MYO1E: variants seen among roughly 807,000 people sequenced by gnomAD.
MYO1E encodes unconventional myosin-Ie.
Under a neutral mutation model 151.1 loss-of-function variants are expected in MYO1E, and 68 were observed. The observed-to-expected ratio is 0.45, with a 90% CI of 0.37 to 0.55. The LOEUF is 0.55. Ranked by LOEUF, MYO1E falls within the 20% of genes least tolerant of loss-of-function variation. The probability of loss-of-function intolerance (pLI) is 0.00; values close to 1 mark genes in which losing one functional copy is unlikely to be tolerated. For synonymous variants in MYO1E, 601 were observed against 501.7 expected (o/e 1.20, Z -2.64); for missense variants, 1,363 against 1,389.3 (o/e 0.98, Z 0.30).
At chr15:59,343,527 C>T (rs1305133260) in intron 1 of MYO1E, among the ~76,000 whole-genome samples, 2 of 151,992 alleles carry the variant, frequency 1.3e-5, no homozygotes, top group Non-Finnish European at 2.9e-5. Context: ...CTATAACCTT[C>T]TTGTACTTAA....
chr15:59,364,625 G>C (rs2080903179), intron 1 of MYO1E, among the ~76,000 whole-genome samples: 2 of 152,158 alleles, frequency 1.3e-5, no homozygotes, highest in African/African-American at 4.8e-5. Flanking sequence ...CAATGTGTTT[G>C]AGGCCCGGTG....
intron 26 of MYO1E, among the ~76,000 whole-genome samples, chr15:59,142,663 T>A (rs777141092): frequency 3.3e-5 from 5 of 152,112 alleles, no homozygotes; most frequent in Admixed American, 6.5e-5. Flanking sequence ...TCATGGCGCC[T>A]ACAGACTCTG....
intron 1 of MYO1E, among the ~76,000 whole-genome samples, chr15:59,274,525 T>G (rs2080306917): frequency 6.6e-6 from 1 of 152,144 alleles, no homozygotes; most frequent in Admixed American, 6.5e-5. Context: ...ACCTGCAGAT[T>G]GGTTGGTTGG....
Position 59,134,809 on chromosome 15 carries a change from A to G in MYO1E, c.*2571T>C, listed in dbSNP as rs1022769450. On this transcript the variant is annotated 3_prime_UTR_variant, in exon 28 of 28. Transcript: ENST00000288235. Reference sequence around the variant, plus strand: ...TGTTCTTTCCTGGTAAGTGACTCCTAAAGTGGTCATATTTGCTTAACTGCA... The same window carrying G: ...TGTTCTTTCCTGGTAAGTGACTCCTGAAGTGGTCATATTTGCTTAACTGCA... 1 of 152,306 alleles carries G rather than the reference A, an allele frequency of 6.6e-6. No individual in the cohort carries two copies. Among genetic ancestry groups the G allele is most frequent in the Middle Eastern group, 3.4e-3 (1 of 294 alleles). 9.4% of individuals were successfully genotyped at this position (152,306 alleles called of 1,614,324 possible). A position where few individuals can be genotyped will look rare whatever the true frequency, so the allele number is the denominator to read the frequency against.
intron 1 of MYO1E, among the ~76,000 whole-genome samples, chr15:59,324,663 G>C (rs865880729): frequency 3.4e-5 from 5 of 147,986 alleles, no homozygotes; most frequent in South Asian, 2.1e-4. Flanking sequence ...CCCATCCCAA[G>C]CCCCCCCCCC....
intron 16 of MYO1E, 80 bp downstream of exon 16, chr15:59,202,246 T>C (rs759921338): frequency 4.8e-6 from 6 of 1,258,308 alleles, no homozygotes; most frequent in Non-Finnish European, 7.0e-6. Flanking sequence ...GACCTCATCC[T>C]GGCCCAGGGG....
chr15:59,141,230 G>A (rs2079407194), intron 26 of MYO1E, among the ~76,000 whole-genome samples: 1 of 152,062 alleles, frequency 6.6e-6, no homozygotes, highest in South Asian at 2.1e-4. Flanking sequence ...AGTGCACATG[G>A]AAGGACACAG....
chr15:59,372,702 C>A lies in MYO1E; in HGVS notation c.-202G>T. On this transcript the variant is annotated 5_prime_UTR_variant, in exon 1 of 28. Transcript: ENST00000288235. ...TTGGCGGTGCTAGGTGAGGGCGAGA[C>A]GGCGGCGACTTAGCAGGCGGGGCGC... is the stretch of plus-strand genomic sequence containing the variant. The A allele has an allele frequency of 1.6e-6, 1 of 618,390 alleles. No homozygotes were observed. The highest frequency in any genetic ancestry group is 2.7e-6 in the Non-Finnish European group (1 of 370,714). The allele number at this position is 618,390 out of a possible 1,614,324, so 38.3% of individuals were successfully genotyped here. A position where few individuals can be genotyped will look rare whatever the true frequency, so the allele number is the denominator to read the frequency against.
In MYO1E at chr15:59,259,909, T is replaced by C. The variant is rs114380428; in HGVS notation, c.237+1511A>G. Among the ~76,000 whole-genome samples the C allele has an allele frequency of 4.4e-3, 658 of 150,362 alleles. 3 individuals carry two copies. The highest frequency in any genetic ancestry group is 0.016 in the African/African-American group (620 of 39,726). On this transcript the variant is annotated intron_variant, in intron 3 of 27. Transcript: ENST00000288235. ...TCACTCAGTAGATTTTAGTACTTCA[T>C]CTCTCTGAGCCTCAGTTTCCTCATC...
chr15:59,247,450 T>C (rs2080137099), intron 4 of MYO1E, among the ~76,000 whole-genome samples: 1 of 152,248 alleles, frequency 6.6e-6, no homozygotes, highest in South Asian at 2.1e-4. Context: ...CTCTGCCATC[T>C]ACTAGTTTTG....
intron 1 of MYO1E, among the ~76,000 whole-genome samples, chr15:59,328,471 G>A (rs1431465057): frequency 1.3e-5 from 2 of 151,918 alleles, no homozygotes; most frequent in African/African-American, 4.8e-5. Context: ...GGGCCAAAAA[G>A]TTCATTTTTA....
At chr15:59,220,810 C>G (rs1263533262) in intron 9 of MYO1E, among the ~76,000 whole-genome samples, 1 of 150,910 alleles carries the variant, frequency 6.6e-6, no homozygotes, top group Non-Finnish European at 1.5e-5. Context: ...AAAAGGACAG[C>G]CAGGTGCAGT....
intron 1 of MYO1E, among the ~76,000 whole-genome samples, chr15:59,300,801 C>T (rs2080477475): frequency 6.6e-6 from 1 of 151,784 alleles, no homozygotes; most frequent in Non-Finnish European, 1.5e-5. Flanking sequence ...ACGATAAAAT[C>T]ACAATCATAA....
Position 59,135,325 on chromosome 15 carries a change from G to A in MYO1E, c.*2055C>T, listed in dbSNP as rs2079365881. 1 of 152,218 alleles carries A rather than the reference G, an allele frequency of 6.6e-6. No homozygotes were observed. Among genetic ancestry groups the A allele is most frequent in the Non-Finnish European group, 1.5e-5 (1 of 68,062 alleles). The allele number at this position is 152,218 out of a possible 1,614,324, so 9.4% of individuals were successfully genotyped here. A position where few individuals can be genotyped will look rare whatever the true frequency, so the allele number is the denominator to read the frequency against. On this transcript the variant is annotated 3_prime_UTR_variant, in exon 28 of 28. Transcript: ENST00000288235. ...TCAATCAATCAGGAGGAAAAACAAA[G>A]GCTTGTCCCAGCCAGCCAGGGGCTT... is the stretch of plus-strand genomic sequence containing the variant.
chr15:59,287,084 G>A (rs2080391748), intron 1 of MYO1E, among the ~76,000 whole-genome samples: 1 of 150,796 alleles, frequency 6.6e-6, no homozygotes, highest in Non-Finnish European at 1.5e-5. Context: ...AGAGGATGCA[G>A]GGCTATCTTG....
rs535023645 is a variant in MYO1E at position 59,269,369 on chromosome 15, A to G, written c.147+2937T>C. On this transcript the variant is annotated intron_variant, in intron 2 of 27. Coordinates refer to ENST00000288235, the MANE Select transcript of MYO1E (RefSeq NM_004998.4). ...TGCAGAGCAAGGTTTGAAGCCAGACAGTCCAGATCCACATCCTGCCACCCA... is the reference window on the plus strand; with the variant it reads ...TGCAGAGCAAGGTTTGAAGCCAGACGGTCCAGATCCACATCCTGCCACCCA... 3.3e-4 allele frequency among the ~76,000 whole-genome samples: 50 copies of G among 152,354 alleles called. No individual in the cohort carries two copies. The Middle Eastern group carries it at 0.02, about 62-fold the overall frequency.
chr15:59,236,444 T>C, intron 5 of MYO1E, 141 bp downstream of exon 5: 1 of 651,032 alleles, frequency 1.5e-6, no homozygotes, highest in Non-Finnish European at 2.8e-6. Flanking sequence ...ATGCTATTCC[T>C]TTCCATTCCA....
intron 1 of MYO1E, among the ~76,000 whole-genome samples, chr15:59,285,133 C>G: frequency 6.6e-6 from 1 of 152,170 alleles, no homozygotes; most frequent in East Asian, 1.9e-4. Context: ...ATCTAGCAAA[C>G]TGATTAAAAT....
chr15:59,248,667 A>C (rs1191090920), intron 4 of MYO1E, among the ~76,000 whole-genome samples: 3 of 151,698 alleles, frequency 2.0e-5, no homozygotes, highest in Non-Finnish European at 4.4e-5. Context: ...TAGGTTAATG[A>C]AAGGGGGTTG....
Sources: gnomAD v4.1 joint callset for allele counts (sites outside exome capture counted in the v4.1 genomes callset) on GRCh38, gnomAD v4.1.1 for gene constraint, MANE v1.5 for transcripts, NCBI Gene and HGNC (gene_info 2026-07-23, HGNC 2026-07-21) for gene names.